Variants in CFAP77 observed in about 807,000 individuals in gnomAD.
CFAP77 encodes cilia and flagella associated protein 77.
In CFAP77, 25 loss-of-function variants were observed where a neutral mutation model predicts 31.1. The observed-to-expected ratio is 0.80, with a 90% confidence interval of 0.59 to 1.12. The LOEUF (loss-of-function observed/expected upper bound fraction) is 1.12. CFAP77 is among the 50% of genes most tolerant of loss of function. CFAP77 has a pLI of 0.00. For synonymous variants in CFAP77, 151 were observed against 159.9 expected (o/e 0.94, Z 0.42); for missense variants, 377 against 397.3 (o/e 0.95, Z 0.44).
chr9:132,468,920 T>C lies in CFAP77; in HGVS notation c.196-29775T>C, dbSNP rs568892364. Among the ~76,000 whole-genome samples the C allele has an allele frequency of 1.8e-3, 275 of 152,202 alleles. 2 individuals are homozygous for C. The highest frequency in any genetic ancestry group is 5.6e-3 in the African/African-American group (231 of 41,524). ...ATCAAAATAACTATAACATGTGTCC[T>C]ATTAAAAGAACATTTTCCAGCCCCC... is the stretch of plus-strand genomic sequence containing the variant. On this transcript the variant is annotated intron_variant, in intron 1 of 5. Coordinates refer to ENST00000393216, the MANE Select transcript of CFAP77 (RefSeq NM_001282957.2).
intron 5 of CFAP77, among the ~76,000 whole-genome samples, chr9:132,557,299 G>T (rs946880594): frequency 6.6e-6 from 1 of 152,232 alleles, no homozygotes; most frequent in Non-Finnish European, 1.5e-5. Context: ...AAGGCAAGAT[G>T]CAAGTCCAAG....
At chr9:132,445,993 G>A (rs146668663) in intron 1 of CFAP77, among the ~76,000 whole-genome samples, 109 of 152,182 alleles carry the variant, frequency 7.2e-4, no homozygotes, top group African/African-American at 2.5e-3. Flanking sequence ...TGCATTGGGT[G>A]CCGCTCTCCA....
At chr9:132,456,045 T>TG (rs1393338617) in intron 1 of CFAP77, among the ~76,000 whole-genome samples, 1 of 152,230 alleles carries the variant, frequency 6.6e-6, no homozygotes, top group Non-Finnish European at 1.5e-5. Context: ...ATGTGAGTGC[T>TG]GGGCCTGGCA....
At chr9:132,425,731 GA>G (rs893068078) in intron 1 of CFAP77, among the ~76,000 whole-genome samples, 10 of 152,104 alleles carry the variant, frequency 6.6e-5, no homozygotes, top group Admixed American at 5.9e-4. Context: ...ATTTTAATAG[GA>G]AAAAAAGTCA....
chr9:132,450,207 G>T (rs2131712471), intron 1 of CFAP77, among the ~76,000 whole-genome samples: 1 of 151,698 alleles, frequency 6.6e-6, no homozygotes, highest in Admixed American at 6.6e-5. Flanking sequence ...TGGGATTACA[G>T]GTGTGAGCCA....
intron 1 of CFAP77, among the ~76,000 whole-genome samples, chr9:132,451,065 G>A (rs922615711): frequency 2.0e-5 from 3 of 152,298 alleles, no homozygotes; most frequent in African/African-American, 7.2e-5. Flanking sequence ...GTCCGGGCAC[G>A]GTGCCTCACA....
intron 3 of CFAP77, among the ~76,000 whole-genome samples, chr9:132,513,973 C>CCT (rs879679709): frequency 0.012 from 1,102 of 92,052 alleles, 5 homozygotes; most frequent in East Asian, 0.018. Flanking sequence ...ATCTCCCTCC[C>CCT]GTGTCCCTGA....
At chr9:132,447,894 G>A (rs1468540320) in intron 1 of CFAP77, among the ~76,000 whole-genome samples, 1 of 152,144 alleles carries the variant, frequency 6.6e-6, no homozygotes, top group Non-Finnish European at 1.5e-5. Context: ...ACCTACTTAG[G>A]AGTCCAGTTT....
intron 3 of CFAP77, among the ~76,000 whole-genome samples, chr9:132,516,998 C>T (rs1413244559): frequency 6.6e-6 from 1 of 152,218 alleles, no homozygotes; most frequent in African/African-American, 2.4e-5. Context: ...GGAGACACCC[C>T]AGCCCTGCAG....
At chr9:132,431,955 A>G (rs1331632293) in intron 1 of CFAP77, among the ~76,000 whole-genome samples, 1 of 152,218 alleles carries the variant, frequency 6.6e-6, no homozygotes, top group African/African-American at 2.4e-5. Context: ...GGTGTGAGCC[A>G]CCACTCCTGG....
chr9:132,423,688 C>T (rs1242952610), intron 1 of CFAP77, among the ~76,000 whole-genome samples: 1 of 152,222 alleles, frequency 6.6e-6, no homozygotes, highest in Admixed American at 6.5e-5. Context: ...TGGTTGAGTA[C>T]CTGGCCAAGT....
intron 4 of CFAP77, 90 bp downstream of exon 4, chr9:132,537,796 T>C (rs1158441031): frequency 1.3e-5 from 12 of 927,032 alleles, no homozygotes; most frequent in African/African-American, 6.6e-5. Flanking sequence ...ATGACACTTG[T>C]GTATGTTTGT....
In CFAP77 at chr9:132,486,086, A is replaced by C. The variant is rs1308587805; in HGVS notation, c.196-12609A>C. 1.1e-4 allele frequency among the ~76,000 whole-genome samples: 2 copies of C among 17,614 alleles called. 1 individual carries two copies. The highest frequency in any genetic ancestry group is 1.7e-3 in the Admixed American group (2 of 1,204). 11.6% of individuals were successfully genotyped at this position (17,614 alleles called of 152,430 possible). A position where few individuals can be genotyped will look rare whatever the true frequency, so the allele number is the denominator to read the frequency against. On this transcript the variant is annotated intron_variant, in intron 1 of 5. Coordinates refer to ENST00000393216, the MANE Select transcript of CFAP77 (RefSeq NM_001282957.2). The stretch of plus-strand genomic sequence containing the variant: ...TGTGTGTATATATATATATATATAT[A>C]TATATTTTTTTTTTTTTTTTTTTTG...
intron 1 of CFAP77, among the ~76,000 whole-genome samples, chr9:132,438,541 A>ATATATATATTT: frequency 2.3e-4 from 25 of 108,146 alleles, no homozygotes; most frequent in African/African-American, 9.4e-4. Flanking sequence ...ATATATATAT[A>ATATATATATTT]TTTTTTTTTT....
At chr9:132,537,123 C>T (rs574185681) in intron 3 of CFAP77, among the ~76,000 whole-genome samples, 93 of 151,878 alleles carry the variant, frequency 6.1e-4, no homozygotes, top group African/African-American at 2.0e-3. Flanking sequence ...AAGGGAGGGG[C>T]GGGGTCAGTG....
intron 3 of CFAP77, among the ~76,000 whole-genome samples, chr9:132,530,139 T>TC (rs1564242119): frequency 2.8e-5 from 4 of 144,994 alleles, no homozygotes; most frequent in African/African-American, 7.5e-5. Context: ...TTCTTTTCTT[T>TC]TTTTTTTTTT....
At chr9:132,418,256 G>A (rs1193984213) in intron 1 of CFAP77, among the ~76,000 whole-genome samples, 2 of 152,246 alleles carry the variant, frequency 1.3e-5, no homozygotes. Flanking sequence ...CACCTGGCGA[G>A]GGGGTGCTGG....
intron 1 of CFAP77, among the ~76,000 whole-genome samples, chr9:132,445,719 A>C (rs2131707039): frequency 6.6e-6 from 1 of 152,058 alleles, no homozygotes; most frequent in South Asian, 2.1e-4. Flanking sequence ...AAATGCAAAA[A>C]TTGGCCAGGC....
chr9:132,526,317 C>T (rs1173378232), intron 3 of CFAP77, among the ~76,000 whole-genome samples: 4 of 151,994 alleles, frequency 2.6e-5, no homozygotes, highest in Non-Finnish European at 5.9e-5. Flanking sequence ...GCAACCTCCG[C>T]CTCCCGGGTT....
Sources: allele counts gnomAD v4.1 joint callset (sites outside exome capture counted in the v4.1 genomes callset), GRCh38; gene constraint gnomAD v4.1.1; transcripts MANE v1.5; gene names NCBI Gene and HGNC (gene_info 2026-07-23, HGNC 2026-07-21).